Variants in DIXDC1 observed in about 807,000 individuals in gnomAD.
DIXDC1 encodes the protein dixin.
DIXDC1 carries 64 observed loss-of-function variants against 103.1 expected under a neutral mutation model. The observed-to-expected ratio is 0.62, with a 90% confidence interval of 0.51 to 0.76. The LOEUF (loss-of-function observed/expected upper bound fraction) is 0.76. Ranked by LOEUF, DIXDC1 falls within the 30% of genes least tolerant of loss-of-function variation. The probability of loss-of-function intolerance (pLI) is 0.00; values close to 1 mark genes in which losing one functional copy is unlikely to be tolerated. For missense variants in DIXDC1, 759 were observed against 834.2 expected (o/e 0.91, Z 1.11); for synonymous variants, 266 against 298.5 (o/e 0.89, Z 1.12).
intron 10 of DIXDC1, among the ~76,000 whole-genome samples, chr11:111,989,603 G>A (rs1251838191): frequency 2.8e-5 from 4 of 141,820 alleles, no homozygotes; most frequent in Non-Finnish European, 3.0e-5. Flanking sequence ...CAGCCTAGGT[G>A]ACAGGGTGAG....
chr11:111,992,614 A>T (rs1421033709), intron 11 of DIXDC1, 95 bp downstream of exon 11: 21 of 1,117,172 alleles, frequency 1.9e-5, no homozygotes, highest in Middle Eastern at 2.0e-4. Flanking sequence ...CTAATCTCTT[A>T]TCTTGCTTCT....
In DIXDC1 at chr11:111,995,477, CCA is replaced by C. The variant is rs1555175257; in HGVS notation, c.1606_1607del (p.Thr536TyrfsTer2). ...GCTTCAGTGGCCACGATCCTCAGCA[CCA>C]CACTATTGACAGCTTGGAGCAGGGC... ...NSFSGHDPQH[H>X]TIDSLEQGIS... On this transcript the variant is annotated frameshift_variant, in exon 16 of 20. Coordinates refer to ENST00000440460, the MANE Select transcript of DIXDC1 (RefSeq NM_001037954.4). LOFTEE classifies it high-confidence loss of function. The C allele has an allele frequency of 6.2e-7, 1 of 1,613,994 alleles. No homozygotes were observed. Among genetic ancestry groups the C allele is most frequent in the East Asian group, 2.2e-5 (1 of 44,878 alleles).
intron 9 of DIXDC1, among the ~76,000 whole-genome samples, chr11:111,987,793 G>C (rs1020326403): frequency 1.3e-5 from 2 of 151,644 alleles, no homozygotes; most frequent in Middle Eastern, 3.2e-3. Context: ...CCAAGTAGCT[G>C]GGACTACAGG....
chr11:111,993,361 C>G, intron 12 of DIXDC1, 135 bp from the exon 13 acceptor site: 1 of 826,726 alleles, frequency 1.2e-6, no homozygotes, highest in East Asian at 2.6e-5. Context: ...TGTGTAAAGT[C>G]TTCCTGGTAT....
intron 17 of DIXDC1, 95 bp downstream of exon 17, chr11:111,996,241 G>C: frequency 9.4e-7 from 1 of 1,069,342 alleles, no homozygotes; most frequent in Non-Finnish European, 1.3e-6. Flanking sequence ...AATTTTTCTT[G>C]TAGTACTTCA....
chr11:111,979,743 G>T (rs868949852), intron 5 of DIXDC1, among the ~76,000 whole-genome samples: 1 of 152,342 alleles, frequency 6.6e-6, no homozygotes, highest in African/African-American at 2.4e-5. Context: ...GATCACTTGA[G>T]CCCAGGAGTT....
At chr11:111,943,819 T>A (rs985111646) in intron 1 of DIXDC1, among the ~76,000 whole-genome samples, 3 of 152,124 alleles carry the variant, frequency 2.0e-5, no homozygotes, top group African/African-American at 4.8e-5. Context: ...AATTTTCTAT[T>A]TAATATATTC....
chr11:111,981,313 T>A (rs587617598), intron 6 of DIXDC1, among the ~76,000 whole-genome samples: 190 of 152,300 alleles, frequency 1.2e-3, no homozygotes, highest in African/African-American at 4.5e-3. Context: ...CACAAAGAGT[T>A]CCCTTTGTTT....
intron 12 of DIXDC1, 40 bp downstream of exon 12, chr11:111,993,044 T>G (rs1860757835): frequency 6.4e-7 from 1 of 1,567,362 alleles, no homozygotes; most frequent in African/African-American, 1.4e-5. Context: ...TTCCACTGAC[T>G]TTTCATGAAC....
chr11:111,964,784 G>T, intron 2 of DIXDC1, 106 bp downstream of exon 2: 1 of 1,348,378 alleles, frequency 7.4e-7, no homozygotes, highest in Non-Finnish European at 9.8e-7. Flanking sequence ...TAGAATATAT[G>T]GCAGTAGAGG....
At position 111,998,745 on chromosome 11, in the gene DIXDC1, G is replaced by A. The variant is rs1860978598; in HGVS notation, c.1756+2599G>A. On this transcript the variant is annotated intron_variant, in intron 17 of 19. Transcript: ENST00000440460. This position sits in a 1 kb window ranked among gnomAD's most constrained non-coding sequence, Gnocchi z 4.1. Reference sequence around the variant, plus strand: ...GACAGGGTTTCACTGTGTTGCCCAGGCTGGTCTTGAACTCTTGAGCTCAGG... The same window carrying A: ...GACAGGGTTTCACTGTGTTGCCCAGACTGGTCTTGAACTCTTGAGCTCAGG... Among the ~76,000 whole-genome samples, 1 of 152,118 alleles carries A rather than the reference G, an allele frequency of 6.6e-6. No homozygotes were observed. Among genetic ancestry groups the A allele is most frequent in the Admixed American group, 6.5e-5 (1 of 15,272 alleles).
chr11:111,936,765 G>A (rs1384802265), upstream of DIXDC1, among the ~76,000 whole-genome samples: 8 of 151,970 alleles, frequency 5.3e-5, no homozygotes, highest in South Asian at 1.7e-3. Context: ...TGCTGTTTTC[G>A]GTTAGTCTGG....
chr11:112,022,251 A>C lies in DIXDC1; in HGVS notation c.*3215A>C, dbSNP rs1861780763. The C allele has an allele frequency of 6.6e-6, 1 of 152,202 alleles. No homozygotes were observed. The highest frequency in any genetic ancestry group is 1.5e-5 in the Non-Finnish European group (1 of 68,038). 9.4% of individuals were successfully genotyped at this position (152,202 alleles called of 1,614,324 possible). ...ATTACTTAAAAGCATTTAGGTCATA[A>C]TTAAAATTATTTTCACTGTTTCCAT... On this transcript the variant is annotated 3_prime_UTR_variant, in exon 20 of 20. Coordinates refer to ENST00000440460, the MANE Select transcript of DIXDC1 (RefSeq NM_001037954.4). This position sits in a 1 kb window ranked among gnomAD's most constrained non-coding sequence, Gnocchi z 4.9.
intron 7 of DIXDC1, among the ~76,000 whole-genome samples, chr11:111,983,039 C>G (rs1353539102): frequency 1.3e-5 from 2 of 152,186 alleles, no homozygotes; most frequent in Non-Finnish European, 2.9e-5. Flanking sequence ...CCTGTAGTGC[C>G]AGCTCGGCAA....
intron 1 of DIXDC1, among the ~76,000 whole-genome samples, chr11:111,963,078 A>G (rs1451114513): frequency 3.9e-5 from 6 of 152,242 alleles, no homozygotes; most frequent in Non-Finnish European, 7.3e-5. Context: ...AGCTATGGGG[A>G]CATTAGAGAA....
At chr11:111,970,078 TAG>T (rs1859863790) in intron 3 of DIXDC1, among the ~76,000 whole-genome samples, 11 of 152,266 alleles carry the variant, frequency 7.2e-5, no homozygotes, top group Admixed American at 7.2e-4. Context: ...TTTTTTGAGA[TAG>T]AGTTTTGCTT....
At chr11:111,939,788 C>G (rs1555168628) in intron 1 of DIXDC1, among the ~76,000 whole-genome samples, 1 of 152,094 alleles carries the variant, frequency 6.6e-6, no homozygotes, top group Non-Finnish European at 1.5e-5. Context: ...TGACCTATTC[C>G]AGCCTCCAGG....
At chr11:111,985,394 G>A (rs1264005921) in intron 8 of DIXDC1, 73 bp downstream of exon 8, 1 of 1,167,944 alleles carries the variant, frequency 8.6e-7, no homozygotes, top group South Asian at 1.4e-5. Flanking sequence ...TGACACTGCT[G>A]TTCATGCCTT....
At chr11:111,968,436 T>C in intron 2 of DIXDC1, 77 bp from the exon 3 acceptor site, 1 of 1,488,126 alleles carries the variant, frequency 6.7e-7, no homozygotes, top group African/African-American at 1.4e-5. Context: ...AAATCTTCCC[T>C]TCCTCTGTGT....
Sources: allele counts gnomAD v4.1 joint callset (sites outside exome capture counted in the v4.1 genomes callset), GRCh38; gene constraint gnomAD v4.1.1; non-coding constraint Gnocchi (gnomAD v3.1); transcripts MANE v1.5; gene names NCBI Gene and HGNC (gene_info 2026-07-23, HGNC 2026-07-21).